The following UBAC2 variants were observed in gnomAD, a reference collection of about 807,000 sequenced individuals.
UBAC2 encodes the protein ubiquitin-associated domain-containing protein 2.
A neutral mutation model predicts 44.0 loss-of-function variants in UBAC2; 26 were observed. The observed-to-expected ratio is 0.59, with a 90% confidence interval of 0.43 to 0.82. The LOEUF is 0.82. Among genes scored for constraint, UBAC2 ranks in the 40% least tolerant of loss-of-function variants. The pLI, the probability that UBAC2 is intolerant of heterozygous loss-of-function variation, is 0.00. For missense variants in UBAC2, 329 were observed against 419.4 expected (o/e 0.78, Z 1.88); for synonymous variants, 155 against 154.3 (o/e 1.00, Z -0.04).
chr13:99,319,571 T>C (rs1226550938), intron 6 of UBAC2, among the ~76,000 whole-genome samples: 6 of 152,252 alleles, frequency 3.9e-5, no homozygotes, highest in Admixed American at 6.5e-5. Flanking sequence ...ACAGCTGATA[T>C]GCTTGCAGCC....
At chr13:99,248,990 A>G (rs898438288) in intron 4 of UBAC2, among the ~76,000 whole-genome samples, 1 of 152,134 alleles carries the variant, frequency 6.6e-6, no homozygotes, top group African/African-American at 2.4e-5. Flanking sequence ...TTTGCTTGTC[A>G]GTGGGGTAGG....
chr13:99,232,326 G>A (rs1401447524), intron 1 of UBAC2, among the ~76,000 whole-genome samples: 5 of 148,938 alleles, frequency 3.4e-5, no homozygotes, highest in Admixed American at 2.7e-4. Context: ...AAATCTCTGT[G>A]TTATAACCAC....
At chr13:99,233,053 G>GA (rs1349709148) in intron 1 of UBAC2, among the ~76,000 whole-genome samples, 2 of 151,926 alleles carry the variant, frequency 1.3e-5, no homozygotes, top group Non-Finnish European at 2.9e-5. Flanking sequence ...ATTACTGAAA[G>GA]AGCTAGAAGC....
intron 4 of UBAC2, among the ~76,000 whole-genome samples, chr13:99,289,274 CAAAG>C (rs1348895344): frequency 2.0e-5 from 3 of 152,162 alleles, no homozygotes; most frequent in Non-Finnish European, 4.4e-5. Context: ...TTTGAGTAGT[CAAAG>C]AAGGATTAAG....
intron 8 of UBAC2, among the ~76,000 whole-genome samples, chr13:99,370,873 AT>A (rs1368030373): frequency 6.6e-6 from 1 of 152,278 alleles, no homozygotes; most frequent in East Asian, 1.9e-4. Flanking sequence ...GACAAAGGTT[AT>A]CCCCATGGAT....
chr13:99,328,511 T>G (rs770234399), intron 6 of UBAC2, among the ~76,000 whole-genome samples: 15 of 152,240 alleles, frequency 9.9e-5, no homozygotes, highest in Non-Finnish European at 1.6e-4. Flanking sequence ...CACTTGGTAT[T>G]GTCAGTTGTT....
chr13:99,363,781 A>G (rs1228448798), intron 7 of UBAC2, among the ~76,000 whole-genome samples: 1 of 152,260 alleles, frequency 6.6e-6, no homozygotes, highest in Non-Finnish European at 1.5e-5. Flanking sequence ...GGATATTGGA[A>G]GTGAACCAGC....
chr13:99,216,644 A>G (rs11069358), intron 1 of UBAC2, among the ~76,000 whole-genome samples: 25,136 of 151,948 alleles, frequency 0.17, 2,366 homozygotes, highest in Middle Eastern at 0.23. Flanking sequence ...AGGTCTTGGT[A>G]TTTGTTGATT....
intron 1 of UBAC2, among the ~76,000 whole-genome samples, chr13:99,236,195 T>C (rs1436485348): frequency 1.3e-5 from 2 of 151,860 alleles, no homozygotes; most frequent in Admixed American, 6.6e-5. Flanking sequence ...AAAGGAAAAA[T>C]AGACAAGTGG....
At chr13:99,263,296 C>T (rs538151908) in intron 4 of UBAC2, among the ~76,000 whole-genome samples, 7 of 152,198 alleles carry the variant, frequency 4.6e-5, no homozygotes, top group Non-Finnish European at 1.0e-4. Context: ...ATCCTGGCAG[C>T]TCGTACATGT....
At chr13:99,206,994 G>A (rs768460491) in intron 1 of UBAC2, among the ~76,000 whole-genome samples, 11 of 152,298 alleles carry the variant, frequency 7.2e-5, no homozygotes, top group South Asian at 6.2e-4. Flanking sequence ...ACCCTCCACC[G>A]ATTCTGAACT....
At chr13:99,321,387 C>T (rs1054371522) in intron 6 of UBAC2, among the ~76,000 whole-genome samples, 3 of 152,206 alleles carry the variant, frequency 2.0e-5, no homozygotes, top group African/African-American at 7.2e-5. Context: ...TGGCTCACTG[C>T]AACCACTGCC....
Position 99,385,871 on chromosome 13 carries a change from T to A in UBAC2, c.*536T>A, listed in dbSNP as rs1428430140. 4 of 156,508 alleles carry A rather than the reference T, an allele frequency of 2.6e-5. No homozygotes were observed. Among genetic ancestry groups the A allele is most frequent in the African/African-American group, 9.6e-5 (4 of 41,494 alleles). 9.7% of individuals were successfully genotyped at this position (156,508 alleles called of 1,614,324 possible). ...CAAGCTGTTCCAGGCCAGAGGACTC[T>A]GCAGTACCTTCTCCTACATCTAGTA... On this transcript the variant is annotated 3_prime_UTR_variant, in exon 9 of 9. Transcript: ENST00000403766.
intron 3 of UBAC2, 97 bp downstream of exon 3, chr13:99,244,048 A>G (rs1316144333): frequency 1.9e-6 from 2 of 1,057,178 alleles, no homozygotes; most frequent in Non-Finnish European, 2.6e-6. Context: ...TGTTATTTAC[A>G]GTTATCTTTT....
chr13:99,380,633 C>T (rs941915382), intron 8 of UBAC2, among the ~76,000 whole-genome samples: 2 of 152,220 alleles, frequency 1.3e-5, no homozygotes, highest in African/African-American at 4.8e-5. Flanking sequence ...TATCCCCTGA[C>T]CCTTCTCGTC....
At chr13:99,372,314 A>C (rs1319972231) in intron 8 of UBAC2, 1 of 152,340 alleles carries the variant, frequency 6.6e-6, no homozygotes, top group Admixed American at 6.5e-5. Context: ...TTAGAGTTGA[A>C]AGATAATGTC....
chr13:99,357,144 A>G lies in UBAC2; in HGVS notation c.808-10643A>G, dbSNP rs554572044. On this transcript the variant is annotated intron_variant, in intron 7 of 8. Transcript: ENST00000403766. ...CTTTTCTATGTTTAGATACACAACTACCATTGTGTTACAGCTGCCTCCAGT... is the reference window on the plus strand; with the variant it reads ...CTTTTCTATGTTTAGATACACAACTGCCATTGTGTTACAGCTGCCTCCAGT... 3.3e-5 allele frequency among the ~76,000 whole-genome samples: 5 copies of G among 152,290 alleles called. No individual in the cohort carries two copies. The South Asian group carries it at 1.0e-3, about 32-fold the overall frequency.
In UBAC2 at chr13:99,244,559, T is replaced by A. The variant is rs746216180; in HGVS notation, c.324T>A (p.Phe108Leu). The A allele has an allele frequency of 8.7e-6, 14 of 1,613,376 alleles. No individual in the cohort carries two copies. Among genetic ancestry groups the A allele is most frequent in the Non-Finnish European group, 1.1e-5 (13 of 1,179,640 alleles). ...GGGTTTTGTCAGCCTTATTTGACTT[T>A]CTCCTCATTGAAGCTATGCAGTATT... ...GSWVLSALFD[F>L]LLIEAMQYFF... The change falls in exon 4 of 9, where the codon TTT becomes TTA. Residue 108 changes from phenylalanine to leucine, a missense_variant. Physicochemically the swap from Phe to Leu is conservative, Grantham distance 22 (BLOSUM62 0). Transcript: ENST00000403766.
At chr13:99,340,675 C>A in intron 7 of UBAC2, 110 bp downstream of exon 7, 1 of 1,245,730 alleles carries the variant, frequency 8.0e-7, no homozygotes, top group Non-Finnish European at 1.1e-6. Flanking sequence ...CAGTGCCTTG[C>A]AAGTGGATTT....
Sources: allele counts gnomAD v4.1 joint callset (sites outside exome capture counted in the v4.1 genomes callset), GRCh38; gene constraint gnomAD v4.1.1; transcripts MANE v1.5; gene names NCBI Gene and HGNC (gene_info 2026-07-23, HGNC 2026-07-21).